The following FRMD6 variants were observed in gnomAD, a reference collection of about 807,000 sequenced individuals.
The protein encoded by FRMD6 is FERM domain containing 6, also known as FERM domain-containing protein 6.
In FRMD6, 37 loss-of-function variants were observed where a neutral mutation model predicts 73.2. That is an observed-to-expected ratio of 0.51 (90% CI 0.39 to 0.66). The LOEUF is 0.66. Ranked by LOEUF, FRMD6 falls within the 30% of genes least tolerant of loss-of-function variation. The pLI is 0.00. For missense variants in FRMD6, 714 were observed against 780.5 expected (o/e 0.91, Z 1.02); for synonymous variants, 273 against 282.2 (o/e 0.97, Z 0.33).
chr14:51,404,333 GT>G, the FRMD6 span, among the ~76,000 whole-genome samples: 3 of 151,860 alleles, frequency 2.0e-5, no homozygotes, highest in Non-Finnish European at 4.4e-5. Context: ...CTCCCAGTTG[GT>G]GACTTGTCTT....
At chr14:51,618,307 A>G (rs8006885) in intron 2 of FRMD6, among the ~76,000 whole-genome samples, 44,070 of 152,124 alleles carry the variant, frequency 0.29, 6,695 homozygotes, top group Non-Finnish European at 0.33. Flanking sequence ...TTCAATACCA[A>G]AAGAAATCCA....
chr14:51,530,229 C>T (rs534609372), intron 1 of FRMD6, among the ~76,000 whole-genome samples: 1 of 152,318 alleles, frequency 6.6e-6, no homozygotes, highest in East Asian at 1.9e-4. Context: ...GGTGGACATA[C>T]TACATAGTGA....
At chr14:51,709,819 T>A (rs1896841663) in intron 7 of FRMD6, among the ~76,000 whole-genome samples, 1 of 152,100 alleles carries the variant, frequency 6.6e-6, no homozygotes, top group Non-Finnish European at 1.5e-5. Flanking sequence ...AGAGTGTGGC[T>A]TTGGAATCAG....
chr14:51,437,134 C>T, the FRMD6 span, among the ~76,000 whole-genome samples: 8 of 152,286 alleles, frequency 5.3e-5, no homozygotes, highest in South Asian at 4.1e-4. Flanking sequence ...ATCCCTCCCC[C>T]GGGCCCCCAC....
At chr14:51,718,410 T>C (rs530110052) in intron 10 of FRMD6, among the ~76,000 whole-genome samples, 2 of 152,366 alleles carry the variant, frequency 1.3e-5, no homozygotes, top group East Asian at 3.9e-4. Flanking sequence ...TTTTAAATTA[T>C]TAGGTCCACA....
At chr14:51,599,556 A>G (rs1432943533) in intron 2 of FRMD6, among the ~76,000 whole-genome samples, 1 of 152,176 alleles carries the variant, frequency 6.6e-6, no homozygotes, top group Non-Finnish European at 1.5e-5. Context: ...TAAACAGACA[A>G]CCTATGAAAT....
intron 1 of FRMD6, among the ~76,000 whole-genome samples, chr14:51,494,780 G>A (rs946315780): frequency 2.6e-5 from 4 of 152,176 alleles, no homozygotes; most frequent in South Asian, 2.1e-4. Context: ...GGTGACAGCC[G>A]TAATATTTTC....
intron 1 of FRMD6, among the ~76,000 whole-genome samples, chr14:51,521,591 A>G (rs1482841575): frequency 6.6e-6 from 1 of 152,010 alleles, no homozygotes; most frequent in East Asian, 1.9e-4. Context: ...TGTCATTTTT[A>G]TTTAAATTCA....
Position 51,708,150 on chromosome 14 carries a change from A to C in FRMD6, c.631A>C (p.Thr211Pro). 1 of 1,613,350 alleles carries C rather than the reference A, an allele frequency of 6.2e-7. No individual in the cohort carries two copies. The highest frequency in any genetic ancestry group is 8.5e-7 in the Non-Finnish European group (1 of 1,179,510). ...CATGCACAAAGATCAGTTTGCACTA[A>C]CAGCTTCCGAAGCTCATCTTAAATA... is the stretch of plus-strand genomic sequence containing the variant. Reference protein sequence around the residue: ...PNMHKDQFALTASEAHLKYIK... With the variant: ...PNMHKDQFALPASEAHLKYIK... Residue 211 changes from threonine (T) to proline (P), a missense_variant, in exon 7 of 14, where the codon ACA (threonine) becomes CCA (proline). By Grantham distance (38) the Thr-to-Pro change is conservative. Coordinates refer to ENST00000344768, the MANE Select transcript of FRMD6 (RefSeq NM_001267046.2).
intron 1 of FRMD6, among the ~76,000 whole-genome samples, chr14:51,505,325 C>T (rs1394171837): frequency 6.6e-6 from 1 of 152,170 alleles, no homozygotes; most frequent in Non-Finnish European, 1.5e-5. Flanking sequence ...TCACCTCAGC[C>T]TCCCAACAAA....
At chr14:51,660,244 A>G (rs1162915537) in intron 1 of FRMD6, among the ~76,000 whole-genome samples, 1 of 152,206 alleles carries the variant, frequency 6.6e-6, no homozygotes, top group South Asian at 2.1e-4. Flanking sequence ...TTTCATGTCT[A>G]GTTGGGGGAA....
In FRMD6 at chr14:51,640,653, T is replaced by C. The variant is rs567945144; in HGVS notation, c.-146-49038T>C. Among the ~76,000 whole-genome samples the C allele has an allele frequency of 1.9e-4, 29 of 152,350 alleles. No homozygotes were observed. In the South Asian group the frequency reaches 5.6e-3, roughly 29 times the overall value. On this transcript the variant is annotated intron_variant, in intron 2 of 14. Transcript: ENST00000356218. ...GAATTCATAATTATATATTCTTTAT[T>C]GTAAATGCTAGTGATATGATGAACA...
chr14:51,672,988 G>A (rs970014065), intron 1 of FRMD6, among the ~76,000 whole-genome samples: 3 of 152,088 alleles, frequency 2.0e-5, no homozygotes, highest in Admixed American at 6.5e-5. Context: ...AAGAAGTCTG[G>A]ACTTTATTCA....
At chr14:51,479,361 C>T in the FRMD6 span, among the ~76,000 whole-genome samples, 1 of 152,198 alleles carries the variant, frequency 6.6e-6, no homozygotes, top group African/African-American at 2.4e-5. Context: ...ATAACATCGA[C>T]ATGTATAAAT....
intron 11 of FRMD6, among the ~76,000 whole-genome samples, chr14:51,721,148 A>G (rs1030558013): frequency 1.3e-5 from 2 of 152,322 alleles, no homozygotes; most frequent in Middle Eastern, 3.4e-3. Flanking sequence ...GTGAACTGTC[A>G]TCTGCCTGTG....
chr14:51,706,816 C>G (rs1896649686), intron 6 of FRMD6, among the ~76,000 whole-genome samples: 1 of 152,104 alleles, frequency 6.6e-6, no homozygotes, highest in Non-Finnish European at 1.5e-5. Flanking sequence ...CGGGCATAAC[C>G]TTAACCTTTT....
the FRMD6 span, among the ~76,000 whole-genome samples, chr14:51,434,421 A>T: frequency 6.6e-6 from 1 of 152,176 alleles, no homozygotes; most frequent in Non-Finnish European, 1.5e-5. Flanking sequence ...GAAGGTAAGG[A>T]AGTACTCAAA....
the FRMD6 span, among the ~76,000 whole-genome samples, chr14:51,423,441 T>G: frequency 1.8e-4 from 28 of 152,344 alleles, no homozygotes; most frequent in African/African-American, 6.3e-4. Flanking sequence ...CTCTAAGTCT[T>G]AGGCTCTTTT....
At chr14:51,628,425 C>A (rs904323725) in intron 2 of FRMD6, among the ~76,000 whole-genome samples, 12 of 152,094 alleles carry the variant, frequency 7.9e-5, no homozygotes, top group Non-Finnish European at 1.8e-4. Context: ...TTCCAACATT[C>A]CCAAAATAAC....
Sources: allele counts gnomAD v4.1 joint callset (sites outside exome capture counted in the v4.1 genomes callset), GRCh38; gene constraint gnomAD v4.1.1; transcripts MANE v1.5; gene names NCBI Gene and HGNC (gene_info 2026-07-23, HGNC 2026-07-21).